The following FOXK2 variants were observed in gnomAD, a reference collection of about 807,000 sequenced individuals.
FOXK2 encodes the protein forkhead box K2, also known as forkhead box protein K2.
Under a neutral mutation model 53.3 loss-of-function variants are expected in FOXK2, and 24 were observed. The ratio of observed to expected loss-of-function variants is 0.45; its 90% CI spans 0.33 to 0.63. The LOEUF is 0.63. FOXK2 is among the 30% of genes least tolerant of loss of function. The probability of loss-of-function intolerance (pLI) is 0.03; values close to 1 mark genes in which losing one functional copy is unlikely to be tolerated. For synonymous variants in FOXK2, 505 were observed against 407.1 expected, an observed-to-expected ratio of 1.24 and a Z score of -2.89; for missense variants, 952 against 910.5, an observed-to-expected ratio of 1.05 and a Z score of -0.59.
chr17:82,547,612 A>G (rs1265538213), intron 1 of FOXK2, among the ~76,000 whole-genome samples: 1 of 152,106 alleles, frequency 6.6e-6, no homozygotes, highest in Non-Finnish European at 1.5e-5. Flanking sequence ...TTGCCAGCTT[A>G]TTTTTACTTT....
At chr17:82,547,740 T>C (rs1035874598) in intron 1 of FOXK2, among the ~76,000 whole-genome samples, 6 of 152,250 alleles carry the variant, frequency 3.9e-5, no homozygotes, top group Admixed American at 6.5e-5. Flanking sequence ...GATCCAGATA[T>C]TACCCCTCAC....
rs984476115 is a variant in FOXK2, at chr17:82,566,668, G to T, written c.615-1386G>T. Reference sequence around the variant, plus strand: ...CAGCAGCGGTGGGTGCAGGGGAAGGGTGGGTCACAGCTGCCACCCTGAGGT... The same window carrying T: ...CAGCAGCGGTGGGTGCAGGGGAAGGTTGGGTCACAGCTGCCACCCTGAGGT... On this transcript the variant is annotated intron_variant, in intron 2 of 8. Coordinates refer to ENST00000335255, the MANE Select transcript of FOXK2 (RefSeq NM_004514.4). Among the ~76,000 whole-genome samples the T allele has an allele frequency of 3.3e-5, 5 of 152,144 alleles. No individual in the cohort carries two copies. In the East Asian group the frequency reaches 9.6e-4, roughly 29 times the overall value.
chr17:82,566,580 G>A (rs11652476), intron 2 of FOXK2, among the ~76,000 whole-genome samples: 6 of 151,946 alleles, frequency 3.9e-5, no homozygotes, highest in Non-Finnish European at 5.9e-5. Context: ...CCAAGTTTAC[G>A]TAAGTCACAT....
intron 1 of FOXK2, among the ~76,000 whole-genome samples, chr17:82,532,652 T>C (rs914899283): frequency 1.8e-4 from 28 of 152,186 alleles, no homozygotes; most frequent in Admixed American, 1.2e-3. Flanking sequence ...AATGGTGTGA[T>C]TGTGGCTCAC....
chr17:82,542,385 G>C (rs568677348), intron 1 of FOXK2, among the ~76,000 whole-genome samples: 1 of 151,960 alleles, frequency 6.6e-6, no homozygotes, highest in Admixed American at 6.6e-5. Flanking sequence ...GGCTGGTCTC[G>C]AACTCCTGAA....
chr17:82,583,730 C>T (rs140519054), intron 5 of FOXK2, among the ~76,000 whole-genome samples: 6 of 152,184 alleles, frequency 3.9e-5, no homozygotes, highest in Non-Finnish European at 8.8e-5. Flanking sequence ...ACCGTCAGTG[C>T]ACGGGAGCTG....
intron 4 of FOXK2, chr17:82,576,621 A>T (rs913472892): frequency 9.0e-7 from 1 of 1,108,900 alleles, no homozygotes; most frequent in Non-Finnish European, 1.4e-6. Context: ...CCAGTGCCGC[A>T]GATTGTTCTG....
intron 7 of FOXK2, 46 bp from the exon 8 acceptor site, chr17:82,587,017 T>C: frequency 1.1e-5 from 18 of 1,575,298 alleles, no homozygotes; most frequent in Non-Finnish European, 1.6e-5. Context: ...AGATTTTTAT[T>C]TGCTTTCCAG....
intron 8 of FOXK2, among the ~76,000 whole-genome samples, chr17:82,597,692 C>T (rs1046487019): frequency 6.6e-6 from 1 of 151,986 alleles, no homozygotes; most frequent in Non-Finnish European, 1.5e-5. Flanking sequence ...CTTTTGTTGC[C>T]CAGGCTGGAA....
Position 82,603,454 on chromosome 17 carries a change from C to CT in FOXK2, c.*1956dup, listed in dbSNP as rs1241898415. Reference sequence around the variant, plus strand: ...TTGATAGGAGACGAGCTCTTGAGCTCTAAGGAACAGTGAGGTCGCCGGTGG... The same window carrying CT: ...TTGATAGGAGACGAGCTCTTGAGCTCTTAAGGAACAGTGAGGTCGCCGGTGG... On this transcript the variant is annotated 3_prime_UTR_variant, in exon 9 of 9. Coordinates refer to ENST00000335255, the MANE Select transcript of FOXK2 (RefSeq NM_004514.4). The CT allele has an allele frequency of 6.6e-6, 1 of 152,206 alleles. No homozygotes were observed. Among genetic ancestry groups the CT allele is most frequent in the Non-Finnish European group, 1.5e-5 (1 of 68,050 alleles). 9.4% of individuals were successfully genotyped at this position (152,206 alleles called of 1,614,324 possible). A position where few individuals can be genotyped will look rare whatever the true frequency, so the allele number is the denominator to read the frequency against.
At chr17:82,555,751 G>T (rs572322306) in intron 1 of FOXK2, among the ~76,000 whole-genome samples, 1 of 150,840 alleles carries the variant, frequency 6.6e-6, no homozygotes, top group African/African-American at 2.4e-5. Context: ...AAATTGGCGT[G>T]GGGGCGGGCG....
intron 8 of FOXK2, among the ~76,000 whole-genome samples, chr17:82,592,890 C>T (rs577156222): frequency 3.6e-4 from 55 of 151,834 alleles, no homozygotes; most frequent in African/African-American, 1.2e-3. Context: ...TGAAGGTCTC[C>T]CTGTGCCGGG....
intron 4 of FOXK2, among the ~76,000 whole-genome samples, chr17:82,574,905 T>C (rs1413513825): frequency 6.6e-6 from 1 of 152,244 alleles, no homozygotes; most frequent in East Asian, 1.9e-4. Flanking sequence ...TTTGTTTGCA[T>C]TTACGTCCTA....
chr17:82,568,581 A>G (rs1222090418), intron 3 of FOXK2, among the ~76,000 whole-genome samples: 2 of 152,198 alleles, frequency 1.3e-5, no homozygotes, highest in African/African-American at 2.4e-5. Flanking sequence ...TCATGTTTGT[A>G]TAGGGCACGT....
intron 1 of FOXK2, among the ~76,000 whole-genome samples, chr17:82,560,624 G>A (rs7220248): frequency 0.045 from 6,906 of 152,230 alleles, 170 homozygotes; most frequent in African/African-American, 0.061. Flanking sequence ...CTTGGTCTTC[G>A]TTGATTCAGT....
Position 82,586,054 on chromosome 17 carries a change from T to A in FOXK2, c.1430T>A (p.Ile477Asn). 1 of 1,612,758 alleles carries A rather than the reference T, an allele frequency of 6.2e-7. No homozygotes were observed. Among genetic ancestry groups the A allele is most frequent in the Non-Finnish European group, 8.5e-7 (1 of 1,179,980 alleles). The part of the protein sequence containing the change: ...VVQTVHVVHQ[I>N]PAVSVTSVAG... ...CAGACGGTTCACGTCGTCCACCAGA[T>A]CCCAGCGGTGTCGGTCACCAGTGTG... is the stretch of plus-strand genomic sequence containing the variant. The change falls in exon 7 of 9, where the codon ATC becomes AAC. Residue 477 changes from isoleucine (I) to asparagine (N), a missense_variant. Ile to Asn is a moderately radical substitution (Grantham distance 149). Around this residue, in one of 5 missense-constraint regions of FOXK2, gnomAD observed 551 missense variants for 385.1 expected, o/e 1.43. Transcript: ENST00000335255.
intron 4 of FOXK2, chr17:82,577,115 C>A: frequency 3.7e-6 from 2 of 545,290 alleles, no homozygotes; most frequent in South Asian, 1.9e-5. Flanking sequence ...TGAGCTGATA[C>A]CGCGTCATTG....
intron 1 of FOXK2, among the ~76,000 whole-genome samples, chr17:82,539,223 G>A (rs564140908): frequency 8.0e-5 from 12 of 149,576 alleles, no homozygotes; most frequent in Admixed American, 1.3e-4. Context: ...TCTCAGCACT[G>A]TAAGGTGGCC....
intron 8 of FOXK2, among the ~76,000 whole-genome samples, chr17:82,589,411 T>C (rs2045231183): frequency 6.6e-6 from 1 of 152,250 alleles, no homozygotes; most frequent in Non-Finnish European, 1.5e-5. Context: ...TAGATATAAA[T>C]ATTAAAGTTT....
Sources: gnomAD v4.1 joint callset for allele counts (sites outside exome capture counted in the v4.1 genomes callset) on GRCh38, gnomAD v4.1.1 for gene constraint, gnomAD v4.1.1 regional missense constraint, MANE v1.5 for transcripts, NCBI Gene and HGNC (gene_info 2026-07-23, HGNC 2026-07-21) for gene names.